Variants in MLLT10 observed in about 807,000 individuals in gnomAD.
MLLT10 encodes the protein MLLT10 histone lysine methyltransferase DOT1L cofactor.
Under a neutral mutation model 129.1 loss-of-function variants are expected in MLLT10, and 30 were observed. The observed-to-expected ratio is 0.23, with a 90% CI of 0.17 to 0.32. The LOEUF (loss-of-function observed/expected upper bound fraction) is 0.32, where lower values mean the gene tolerates loss of function less well. Ranked by LOEUF, MLLT10 falls within the 10% of genes least tolerant of loss-of-function variation. The pLI, the probability that MLLT10 is intolerant of heterozygous loss-of-function variation, is 1.00. For missense variants in MLLT10, 1,119 were observed against 1,268.3 expected (o/e 0.88, Z 1.79); for synonymous variants, 490 against 446.4 (o/e 1.10, Z -1.23).
intron 3 of MLLT10, among the ~76,000 whole-genome samples, chr10:21,570,270 G>A (rs2040065378): frequency 2.0e-5 from 3 of 147,386 alleles, no homozygotes; most frequent in Admixed American, 6.9e-5. Context: ...ATGGGGTTCT[G>A]CAGTGTTGCC....
chr10:21,591,256 A>T (rs963552677), intron 4 of MLLT10, among the ~76,000 whole-genome samples: 1 of 152,100 alleles, frequency 6.6e-6, no homozygotes, highest in Non-Finnish European at 1.5e-5. Flanking sequence ...ACGGGGTTTC[A>T]CCATGTTGCC....
chr10:21,580,327 GAGAAA>G (rs1299583728), intron 3 of MLLT10, among the ~76,000 whole-genome samples: 3 of 151,502 alleles, frequency 2.0e-5, no homozygotes, highest in African/African-American at 4.8e-5. Flanking sequence ...ATTTGGAATA[GAGAAA>G]AGAAATCACT....
chr10:21,621,994 A>G (rs1244711096), intron 8 of MLLT10, among the ~76,000 whole-genome samples: 3 of 152,190 alleles, frequency 2.0e-5, no homozygotes, highest in Non-Finnish European at 4.4e-5. Context: ...ATTTAAAAAT[A>G]TATAGCCTTT....
In MLLT10 at chr10:21,611,723, C is replaced by T. The variant is rs368299952; in HGVS notation, c.406-625C>T. Among the ~76,000 whole-genome samples the T allele has an allele frequency of 2.6e-5, 4 of 152,150 alleles. 1 individual carries two copies. The highest frequency in any genetic ancestry group is 4.2e-4 in the South Asian group (2 of 4,806). On this transcript the variant is annotated intron_variant, in intron 5 of 22. Coordinates refer to ENST00000307729, the MANE Select transcript of MLLT10 (RefSeq NM_001195626.3). ...ATGGAAGATGTCAGTCAAAGTTTCT[C>T]GGGGTGTTCATTGGCTTTGTATCTC...
At chr10:21,559,634 A>G (rs1267432785) in intron 3 of MLLT10, among the ~76,000 whole-genome samples, 1 of 152,182 alleles carries the variant, frequency 6.6e-6, no homozygotes, top group African/African-American at 2.4e-5. Flanking sequence ...CGCCCTCTCT[A>G]TAGCCCCTGG....
intron 13 of MLLT10, among the ~76,000 whole-genome samples, chr10:21,689,298 T>C (rs946669773): frequency 6.6e-6 from 1 of 151,882 alleles, no homozygotes; most frequent in Non-Finnish European, 1.5e-5. Context: ...GAAATACATA[T>C]ATGTAATAAT....
chr10:21,591,465 A>T (rs1207148972), intron 4 of MLLT10, among the ~76,000 whole-genome samples: 3 of 152,132 alleles, frequency 2.0e-5, no homozygotes, highest in South Asian at 2.1e-4. Context: ...TGTTCGTAAC[A>T]TTGATTTTCC....
At chr10:21,668,881 A>G in intron 9 of MLLT10, 1 of 1,154,928 alleles carries the variant, frequency 8.7e-7, no homozygotes, top group Non-Finnish European at 1.1e-6. Flanking sequence ...GAAGAACACC[A>G]CTGTGTTTTC....
At position 21,586,362 on chromosome 10, in the gene MLLT10, T is replaced by G; in HGVS notation, c.295+14T>G. On this transcript the variant is annotated intron_variant, in intron 4 of 22. Transcript: ENST00000307729. ...CAGATAATGGGGGTAAGTGCAGAGA[T>G]TTCTTGAAAAAAATTTTATTGAAAA... The G allele has an allele frequency of 1.3e-6, 2 of 1,563,274 alleles. No individual in the cohort carries two copies. Among genetic ancestry groups the G allele is most frequent in the African/African-American group, 1.4e-5 (1 of 72,354 alleles).
intron 10 of MLLT10, among the ~76,000 whole-genome samples, chr10:21,672,142 C>T (rs1428787435): frequency 6.6e-6 from 1 of 150,736 alleles, no homozygotes; most frequent in African/African-American, 2.5e-5. Context: ...AACAGGTTAA[C>T]ACACTAACCT....
At chr10:21,601,358 A>G (rs937834382) in intron 5 of MLLT10, among the ~76,000 whole-genome samples, 16 of 152,212 alleles carry the variant, frequency 1.1e-4, no homozygotes, top group East Asian at 1.9e-4. Flanking sequence ...GAATGACACT[A>G]TAATATCCCT....
intron 13 of MLLT10, among the ~76,000 whole-genome samples, chr10:21,698,711 T>TATG (rs2054603343): frequency 2.0e-5 from 3 of 152,246 alleles, no homozygotes; most frequent in South Asian, 2.1e-4. Flanking sequence ...AGAGTTTATT[T>TATG]TTCTCCACAT....
chr10:21,618,972 C>G (rs996211722), intron 8 of MLLT10, among the ~76,000 whole-genome samples: 1 of 150,780 alleles, frequency 6.6e-6, no homozygotes, highest in Non-Finnish European at 1.5e-5. Flanking sequence ...TGGTCTCATG[C>G]GATTCGGCCT....
In MLLT10 at chr10:21,670,679, G is replaced by A. The variant is rs767610647; in HGVS notation, c.1026G>A (p.Val342=). The A allele has an allele frequency of 3.7e-6, 6 of 1,613,918 alleles. No individual in the cohort carries two copies. The highest frequency in any genetic ancestry group is 1.3e-5 in the African/African-American group (1 of 74,918). Residue 342 remains valine, a synonymous_variant, in exon 10 of 23, where the codon GTG becomes GTA. Coordinates refer to ENST00000307729, the MANE Select transcript of MLLT10 (RefSeq NM_001195626.3). ...PGGGRNPGTT[V]SAASPFPQGS... is the part of the protein sequence containing the mutation. ...GTGGAAGAAATCCAGGAACAACTGT[G>A]TCAGCAGCTAGCCCTTTTCCTCAAG...
chr10:21,624,846 G>T, intron 8 of MLLT10: 1 of 1,097,132 alleles, frequency 9.1e-7, no homozygotes, highest in East Asian at 2.4e-5. Flanking sequence ...CTGCTGTTGT[G>T]CAGGACCCCC....
rs149300074 is a variant in MLLT10 at position 21,589,003 on chromosome 10, T to C, written c.295+2655T>C. On this transcript the variant is annotated intron_variant, in intron 4 of 22. Coordinates refer to ENST00000307729, the MANE Select transcript of MLLT10 (RefSeq NM_001195626.3). ...CGCGCCCAGCTGATTTTTTTATTTT[T>C]AGTAGAGATGGGATCCACCCACCTT... 2.4e-4 allele frequency among the ~76,000 whole-genome samples: 37 copies of C among 152,068 alleles called. 1 individual carries two copies. In the East Asian group the frequency reaches 3.3e-3, roughly 14 times the overall value.
intron 9 of MLLT10, among the ~76,000 whole-genome samples, chr10:21,667,771 T>C (rs1212238272): frequency 6.6e-6 from 1 of 152,194 alleles, no homozygotes; most frequent in Non-Finnish European, 1.5e-5. Context: ...TAAATAATCA[T>C]AGCTGCTGTT....
At chr10:21,590,518 T>C (rs1342040321) in intron 4 of MLLT10, among the ~76,000 whole-genome samples, 2 of 152,084 alleles carry the variant, frequency 1.3e-5, no homozygotes, top group African/African-American at 4.8e-5. Flanking sequence ...TTTGTATTTT[T>C]AGTAGAGACG....
At chr10:21,708,842 C>G (rs2055795141) in intron 13 of MLLT10, 2 of 663,820 alleles carry the variant, frequency 3.0e-6, no homozygotes. Context: ...AGTGTACTTT[C>G]CTGACTTACA....
Sources: allele counts gnomAD v4.1 joint callset (sites outside exome capture counted in the v4.1 genomes callset), GRCh38; gene constraint gnomAD v4.1.1; transcripts MANE v1.5; gene names NCBI Gene and HGNC (gene_info 2026-07-23, HGNC 2026-07-21).